EIF4G3: variants seen among roughly 807,000 people sequenced by gnomAD.
EIF4G3 encodes eukaryotic translation initiation factor 4 gamma 3, also known as eIF-4-gamma 3.
Under a neutral mutation model 186.4 loss-of-function variants are expected in EIF4G3, and 34 were observed. That is an observed-to-expected ratio of 0.18 (90% CI 0.14 to 0.24). EIF4G3 has a LOEUF of 0.24. Ranked by LOEUF, EIF4G3 falls within the 10% of genes least tolerant of loss-of-function variation. EIF4G3 has a pLI of 1.00. For missense variants in EIF4G3, 1,536 were observed against 1,948.5 expected (o/e 0.79, Z 3.99); for synonymous variants, 673 against 679.5 (o/e 0.99, Z 0.15).
chr1:20,980,902 C>A, intron 9 of EIF4G3, 146 bp downstream of exon 9: 1 of 574,572 alleles, frequency 1.7e-6, no homozygotes, highest in Non-Finnish European at 2.7e-6. Context: ...TGAAAAATCA[C>A]AAAAGGGCTA....
chr1:20,983,473 C>T (rs952101713), intron 7 of EIF4G3, among the ~76,000 whole-genome samples: 2 of 152,194 alleles, frequency 1.3e-5, no homozygotes, highest in African/African-American at 2.4e-5. Context: ...TACTGGACTG[C>T]ATTTCTCGTA....
chr1:20,950,308 C>G (rs1444405813), intron 12 of EIF4G3, among the ~76,000 whole-genome samples, 197 bp from the exon 13 acceptor site: 1 of 151,964 alleles, frequency 6.6e-6, no homozygotes, highest in African/African-American at 2.4e-5. Flanking sequence ...AAGAAAGAGG[C>G]AGCAGAAAAA....
intron 2 of EIF4G3, among the ~76,000 whole-genome samples, chr1:21,142,217 T>C (rs539016873): frequency 1.9e-4 from 29 of 151,334 alleles, no homozygotes; most frequent in Non-Finnish European, 4.1e-4. Context: ...AAGTGGCTAA[T>C]GGTCAGGCAT....
At chr1:20,846,301 C>G (rs1204854261) in intron 29 of EIF4G3, among the ~76,000 whole-genome samples, 7 of 152,140 alleles carry the variant, frequency 4.6e-5, no homozygotes, top group Non-Finnish European at 8.8e-5. Context: ...CCTGATTACC[C>G]TGGCCAGTAC....
chr1:20,814,387 T>C (rs1250602151), intron 34 of EIF4G3, among the ~76,000 whole-genome samples: 1 of 152,176 alleles, frequency 6.6e-6, no homozygotes, highest in African/African-American at 2.4e-5. Context: ...CTTTTCAGGG[T>C]CCTTCCCACT....
At chr1:20,820,867 A>C (rs77560484) in intron 33 of EIF4G3, among the ~76,000 whole-genome samples, 4,986 of 151,968 alleles carry the variant, frequency 0.033, 161 homozygotes, top group East Asian at 0.12. Flanking sequence ...GAAATGTCCA[A>C]ACGACCTGCC....
In EIF4G3 at chr1:20,886,253, G is replaced by A; in HGVS notation, c.2372C>T (p.Pro791Leu). The change falls in exon 19 of 37, where the codon CCA becomes CTA. Residue 791 changes from proline (P) to leucine (L), a missense_variant. Physicochemically the swap from Pro to Leu is moderately conservative, Grantham distance 98. Around this residue, in one of 11 missense-constraint regions of EIF4G3, gnomAD observed 139 missense variants for 192.8 expected, o/e 0.72. Coordinates refer to ENST00000602326, the MANE Select transcript of EIF4G3 (RefSeq NM_001391906.1). ...GGCTTGGCTGTCTCGTTTTTGGCTT[G>A]GCTTCCAGGCATTTTCTGCCTTTTT... The part of the protein sequence containing the change: ...HLKKAENAWK[P>L]SQKRDSQADD... The A allele has an allele frequency of 6.2e-7, 1 of 1,613,704 alleles. No individual in the cohort carries two copies. The highest frequency in any genetic ancestry group is 8.5e-7 in the Non-Finnish European group (1 of 1,179,824).
At chr1:20,854,708 A>AGT (rs1457601958) in intron 26 of EIF4G3, among the ~76,000 whole-genome samples, 18 of 144,358 alleles carry the variant, frequency 1.2e-4, no homozygotes, top group African/African-American at 4.6e-4. Flanking sequence ...CCATCTCAAA[A>AGT]ATATATAAAT....
At chr1:21,156,168 A>C (rs1360476359) in intron 2 of EIF4G3, among the ~76,000 whole-genome samples, 1 of 151,786 alleles carries the variant, frequency 6.6e-6, no homozygotes, top group African/African-American at 2.4e-5. Flanking sequence ...AAGAGCTTTC[A>C]ATCAAAAACT....
chr1:21,129,694 C>T (rs2097117570), intron 2 of EIF4G3, among the ~76,000 whole-genome samples: 1 of 152,038 alleles, frequency 6.6e-6, no homozygotes, highest in African/African-American at 2.4e-5. Context: ...CCAAAATCTA[C>T]CGTTGCCAGG....
chr1:20,853,748 T>C, intron 26 of EIF4G3, 71 bp from the exon 27 acceptor site: 1 of 1,184,352 alleles, frequency 8.4e-7, no homozygotes, highest in South Asian at 1.3e-5. Context: ...GTCATCTGCA[T>C]CCCTAGGTGA....
chr1:20,879,650 T>G (rs7545133), intron 19 of EIF4G3, 130 bp from the exon 20 acceptor site: 289,761 of 488,552 alleles, frequency 0.59, 87,509 homozygotes, highest in East Asian at 0.78. Context: ...TGTGAACTAG[T>G]GACAGAAATA....
At chr1:21,089,334 C>T (rs1292811506) in intron 2 of EIF4G3, 121 bp from the exon 3 acceptor site, 3 of 616,268 alleles carry the variant, frequency 4.9e-6, no homozygotes, top group Non-Finnish European at 8.8e-6. Context: ...GAGTTATATA[C>T]TTCTCCACTA....
At chr1:21,123,424 T>C (rs1464835239) in intron 2 of EIF4G3, among the ~76,000 whole-genome samples, 1 of 151,740 alleles carries the variant, frequency 6.6e-6, no homozygotes, top group African/African-American at 2.4e-5. Flanking sequence ...ATTAGCTGGC[T>C]TTGGTGACAC....
At chr1:21,050,422 A>C (rs2094141243) in intron 4 of EIF4G3, among the ~76,000 whole-genome samples, 1 of 152,208 alleles carries the variant, frequency 6.6e-6, no homozygotes. Flanking sequence ...ATCGACTTAC[A>C]AAACAACCAA....
intron 2 of EIF4G3, among the ~76,000 whole-genome samples, chr1:21,126,925 A>C (rs1333439977): frequency 6.6e-6 from 1 of 152,118 alleles, no homozygotes; most frequent in African/African-American, 2.4e-5. Context: ...TACAATGTAA[A>C]TGTTGTATAA....
intron 3 of EIF4G3, among the ~76,000 whole-genome samples, chr1:21,063,427 G>A (rs527764721): frequency 1.3e-5 from 2 of 152,120 alleles, no homozygotes; most frequent in African/African-American, 2.4e-5. Context: ...GAAACTATGT[G>A]ACAGTTGTTT....
At chr1:20,819,216 A>G (rs1390580175) in intron 33 of EIF4G3, among the ~76,000 whole-genome samples, 1 of 152,098 alleles carries the variant, frequency 6.6e-6, no homozygotes, top group African/African-American at 2.4e-5. Flanking sequence ...GTCAAGATAC[A>G]GGCCAAGTAT....
At chr1:20,978,418 G>A (rs1391396330) in intron 10 of EIF4G3, among the ~76,000 whole-genome samples, 1 of 152,156 alleles carries the variant, frequency 6.6e-6, no homozygotes, top group Admixed American at 6.5e-5. Flanking sequence ...GACATTTAGT[G>A]AGGTTATATA....
Sources: gnomAD v4.1 joint callset for allele counts (sites outside exome capture counted in the v4.1 genomes callset) on GRCh38, gnomAD v4.1.1 for gene constraint, gnomAD v4.1.1 regional missense constraint, MANE v1.5 for transcripts, NCBI Gene and HGNC (gene_info 2026-07-23, HGNC 2026-07-21) for gene names.